The following RSPO3 variants were observed in gnomAD, a reference collection of about 807,000 sequenced individuals.
RSPO3 encodes R-spondin 3.
A neutral mutation model predicts 36.5 loss-of-function variants in RSPO3; 17 were observed. The observed-to-expected ratio is 0.47, with a 90% confidence interval of 0.32 to 0.70. RSPO3 has a LOEUF of 0.70. Ranked by LOEUF, RSPO3 falls within the 30% of genes least tolerant of loss-of-function variation. The probability of loss-of-function intolerance (pLI) is 0.04; values close to 1 mark genes in which losing one functional copy is unlikely to be tolerated. For synonymous variants in RSPO3, 108 were observed against 107.0 expected, an observed-to-expected ratio of 1.01 and a Z score of -0.06; for missense variants, 294 against 322.5, an observed-to-expected ratio of 0.91 and a Z score of 0.68.
intron 1 of RSPO3, among the ~76,000 whole-genome samples, chr6:127,144,643 G>GTTTTTTGTTTTTTTTTTTTT (rs1774344031): frequency 6.1e-5 from 6 of 99,128 alleles, no homozygotes; most frequent in African/African-American, 1.7e-4. Flanking sequence ...GCTTCCCCTT[G>GTTTTTTGTTTTTTTTTTTTT]TTTTTTTTTT....
chr6:127,143,586 C>A (rs1325247985), intron 1 of RSPO3, among the ~76,000 whole-genome samples: 1 of 152,148 alleles, frequency 6.6e-6, no homozygotes, highest in Non-Finnish European at 1.5e-5. Context: ...TCTGGCACTT[C>A]TTTTCAACTC....
chr6:127,172,304 GT>G (rs1774954541), intron 4 of RSPO3, among the ~76,000 whole-genome samples: 1 of 150,938 alleles, frequency 6.6e-6, no homozygotes, highest in Non-Finnish European at 1.5e-5. Flanking sequence ...AATACATATG[GT>G]TTTTATAATC....
intron 1 of RSPO3, among the ~76,000 whole-genome samples, chr6:127,139,715 C>T (rs1165738999): frequency 5.3e-5 from 8 of 152,030 alleles, no homozygotes; most frequent in Non-Finnish European, 7.4e-5. Flanking sequence ...GCTGTTATTA[C>T]CTACTAACTC....
chr6:127,136,039 T>C (rs919513426), intron 1 of RSPO3, among the ~76,000 whole-genome samples: 1 of 151,940 alleles, frequency 6.6e-6, no homozygotes, highest in Admixed American at 6.6e-5. Flanking sequence ...CTGAAGAAGA[T>C]AAAGAGAGAC....
rs1446749533 is a variant in RSPO3 at position 127,196,982 on chromosome 6, G to T, written c.*975G>T. The T allele has an allele frequency of 6.5e-6, 1 of 154,938 alleles. No individual in the cohort carries two copies. The highest frequency in any genetic ancestry group is 1.4e-5 in the Non-Finnish European group (1 of 69,524). The allele number at this position is 154,938 out of a possible 1,614,324, so 9.6% of individuals were successfully genotyped here. On this transcript the variant is annotated 3_prime_UTR_variant, in exon 5 of 5. Transcript: ENST00000356698. ...AAAAGGGATACTATTTTCTAACAAG[G>T]TATATCTAGTAGGGGAGAAAGCCAC...
chr6:127,136,473 G>A (rs1386835144), intron 1 of RSPO3, among the ~76,000 whole-genome samples: 4 of 151,970 alleles, frequency 2.6e-5, no homozygotes, highest in African/African-American at 9.7e-5. Context: ...GTTCAAATCT[G>A]ATCCTGAGCT....
At chr6:127,158,106 A>G (rs1774629690) in intron 4 of RSPO3, among the ~76,000 whole-genome samples, 1 of 151,346 alleles carries the variant, frequency 6.6e-6, no homozygotes, top group Admixed American at 6.6e-5. Context: ...CCACATACAC[A>G]TATAGAGAAG....
chr6:127,147,616 T>C (rs1256017087), intron 1 of RSPO3, among the ~76,000 whole-genome samples: 1 of 152,210 alleles, frequency 6.6e-6, no homozygotes, highest in African/African-American at 2.4e-5. Context: ...GAGGTGATGA[T>C]GACTATTTAA....
At chr6:127,125,473 T>A (rs1035927359) in intron 1 of RSPO3, among the ~76,000 whole-genome samples, 1 of 152,196 alleles carries the variant, frequency 6.6e-6, no homozygotes, top group Non-Finnish European at 1.5e-5. Context: ...AAGTTTTTCA[T>A]CTGCAAAATG....
chr6:127,181,677 C>T (rs1028778986), intron 4 of RSPO3, among the ~76,000 whole-genome samples: 23 of 151,812 alleles, frequency 1.5e-4, no homozygotes, highest in African/African-American at 5.6e-4. Context: ...CCTTCCTCTC[C>T]CCAAATTCTG....
At chr6:127,136,620 T>C (rs1489207553) in intron 1 of RSPO3, among the ~76,000 whole-genome samples, 1 of 152,194 alleles carries the variant, frequency 6.6e-6, no homozygotes, top group African/African-American at 2.4e-5. Context: ...GGTGTTATCA[T>C]ACTCATTTCA....
At chr6:127,186,406 A>G (rs1214092168) in intron 4 of RSPO3, among the ~76,000 whole-genome samples, 1 of 152,174 alleles carries the variant, frequency 6.6e-6, no homozygotes, top group African/African-American at 2.4e-5. Flanking sequence ...TAAAGAGAAA[A>G]TAGAAATAGA....
At position 127,150,512 on chromosome 6, in the gene RSPO3, C is replaced by T. The variant is rs577717193; in HGVS notation, c.376C>T (p.Leu126Phe). The T allele has an allele frequency of 6.2e-7, 1 of 1,612,352 alleles. No homozygotes were observed. The highest frequency in any genetic ancestry group is 8.5e-7 in the Non-Finnish European group (1 of 1,179,092). The change falls in exon 3 of 5, where the codon CTT becomes TTT. Residue 126 changes from leucine (L) to phenylalanine (F), a missense_variant. Physicochemically the swap from Leu to Phe is conservative, Grantham distance 22. Coordinates refer to ENST00000356698, the MANE Select transcript of RSPO3 (RefSeq NM_032784.5). ...ATTTTACTTACACCTTGGAAAGTGC[C>T]TTGACAATTGCCCAGAAGGGTTGGA... ...SGFYLHLGKC[L>F]DNCPEGLEAN...
chr6:127,187,640 C>A (rs1350783685), intron 4 of RSPO3, among the ~76,000 whole-genome samples: 3 of 152,062 alleles, frequency 2.0e-5, no homozygotes, highest in African/African-American at 4.8e-5. Context: ...GTCAATGTAT[C>A]TGATTTACTT....
intron 4 of RSPO3, among the ~76,000 whole-genome samples, chr6:127,172,213 A>AAT (rs879578347): frequency 1.5e-3 from 204 of 140,314 alleles, no homozygotes; most frequent in African/African-American, 4.0e-3. Flanking sequence ...TACAGATATA[A>AAT]ATATATATAT....
At chr6:127,126,752 G>C (rs930748750) in intron 1 of RSPO3, among the ~76,000 whole-genome samples, 1 of 152,048 alleles carries the variant, frequency 6.6e-6, no homozygotes, top group Non-Finnish European at 1.5e-5. Context: ...TAATATAAGA[G>C]AATCTCTGGA....
chr6:127,193,892 T>C (rs981039196), intron 4 of RSPO3, among the ~76,000 whole-genome samples: 2 of 152,142 alleles, frequency 1.3e-5, no homozygotes, highest in Non-Finnish European at 2.9e-5. Context: ...TATAAGTAGT[T>C]CAGTTTAGGC....
At chr6:127,159,597 T>C (rs1252444813) in intron 4 of RSPO3, among the ~76,000 whole-genome samples, 2 of 151,594 alleles carry the variant, frequency 1.3e-5, no homozygotes, top group East Asian at 1.9e-4. Context: ...AAATTAAGTA[T>C]AGTAAAAGTC....
intron 4 of RSPO3, among the ~76,000 whole-genome samples, chr6:127,194,049 T>G (rs1775465760): frequency 6.6e-6 from 1 of 152,190 alleles, no homozygotes; most frequent in Admixed American, 6.5e-5. Context: ...AAGGAAAGCT[T>G]TCAAAAAGTA....
Sources: gnomAD v4.1 joint callset for allele counts (sites outside exome capture counted in the v4.1 genomes callset) on GRCh38, gnomAD v4.1.1 for gene constraint, MANE v1.5 for transcripts, NCBI Gene and HGNC (gene_info 2026-07-23, HGNC 2026-07-21) for gene names.